Variants in ARMC3 observed in about 807,000 individuals in gnomAD.
ARMC3 encodes armadillo repeat-containing protein 3.
A neutral mutation model predicts 90.3 loss-of-function variants in ARMC3; 74 were observed. The ratio of observed to expected loss-of-function variants is 0.82; its 90% CI spans 0.68 to 0.99. ARMC3 has a LOEUF of 0.99. ARMC3 is among the 50% of genes least tolerant of loss of function. The pLI, the probability that ARMC3 is intolerant of heterozygous loss-of-function variation, is 0.00. For synonymous variants in ARMC3, 334 were observed against 361.8 expected, an observed-to-expected ratio of 0.92 and a Z score of 0.87; for missense variants, 958 against 1,042.8, an observed-to-expected ratio of 0.92 and a Z score of 1.12.
chr10:22,931,896 A>C, intron 1 of ARMC3, 100 bp from the exon 2 acceptor site: 1 of 990,278 alleles, frequency 1.0e-6, no homozygotes, highest in Admixed American at 2.5e-5. Context: ...TTTAGGAGGT[A>C]AAAATTTAAA....
intron 6 of ARMC3, 22 bp from the exon 7 acceptor site, chr10:22,961,862 G>T: frequency 6.5e-7 from 1 of 1,544,648 alleles, no homozygotes; most frequent in South Asian, 1.3e-5. Context: ...AAAAATTATT[G>T]ATCATCTGTA....
At chr10:22,943,674 T>G (rs1453851709) in intron 2 of ARMC3, among the ~76,000 whole-genome samples, 1 of 152,172 alleles carries the variant, frequency 6.6e-6, no homozygotes, top group African/African-American at 2.4e-5. Context: ...GGCTCATGCC[T>G]GTAATCCCAG....
intron 18 of ARMC3, among the ~76,000 whole-genome samples, chr10:23,033,247 G>C (rs528935483): frequency 6.6e-6 from 1 of 151,978 alleles, no homozygotes; most frequent in East Asian, 1.9e-4. Flanking sequence ...ATAGTCAACA[G>C]ACTACTAGAA....
At chr10:22,995,910 C>A (rs1435961728) in intron 10 of ARMC3, among the ~76,000 whole-genome samples, 1 of 152,042 alleles carries the variant, frequency 6.6e-6, no homozygotes, top group African/African-American at 2.4e-5. Context: ...ATTGAAGTAC[C>A]CTGCGATTGT....
intron 16 of ARMC3, among the ~76,000 whole-genome samples, chr10:23,029,521 A>G (rs569246185): frequency 6.6e-6 from 1 of 152,270 alleles, no homozygotes; most frequent in South Asian, 2.1e-4. Flanking sequence ...AACCAGTAAG[A>G]TGTTCATACT....
chr10:23,022,118 C>G (rs1485021639), intron 16 of ARMC3, among the ~76,000 whole-genome samples: 2 of 152,050 alleles, frequency 1.3e-5, no homozygotes, highest in Non-Finnish European at 2.9e-5. Flanking sequence ...TAGGCTAACC[C>G]TAGATCAAGA....
rs138461085 is a variant in ARMC3, at chr10:22,997,713, G to A, written c.1176-435G>A. ...ATTTAAGGCTTTTGTTTTCTTAATA[G>A]CTAGGAATATTTTATCTTCAAGAAA... On this transcript the variant is annotated intron_variant, in intron 10 of 18. Transcript: ENST00000298032. 5.7e-3 allele frequency among the ~76,000 whole-genome samples: 867 copies of A among 152,180 alleles called. 4 individuals carry two copies. Among genetic ancestry groups the A allele is most frequent in the African/African-American group, 0.02 (833 of 41,546 alleles).
intron 16 of ARMC3, among the ~76,000 whole-genome samples, chr10:23,015,533 A>T (rs1397082954): frequency 1.3e-5 from 2 of 151,824 alleles, no homozygotes; most frequent in Non-Finnish European, 2.9e-5. Context: ...TTGACTGAAC[A>T]TGAGTTTATT....
chr10:22,940,552 C>A (rs114203243), intron 2 of ARMC3, among the ~76,000 whole-genome samples: 74 of 152,228 alleles, frequency 4.9e-4, no homozygotes, highest in African/African-American at 1.8e-3. Context: ...AGTGGTATGA[C>A]TGTAGCTCAC....
intron 2 of ARMC3, among the ~76,000 whole-genome samples, chr10:22,942,394 T>A (rs995100859): frequency 2.0e-5 from 3 of 152,190 alleles, no homozygotes; most frequent in African/African-American, 7.2e-5. Context: ...AGATGGATGC[T>A]ACTGAGTCAG....
At chr10:22,950,548 A>G (rs1834704517) in intron 3 of ARMC3, among the ~76,000 whole-genome samples, 1 of 152,172 alleles carries the variant, frequency 6.6e-6, no homozygotes, top group South Asian at 2.1e-4. Flanking sequence ...TACATAGAAA[A>G]GAAGGCTGAA....
At chr10:22,946,840 A>C (rs949478898) in intron 3 of ARMC3, among the ~76,000 whole-genome samples, 1 of 152,126 alleles carries the variant, frequency 6.6e-6, no homozygotes, top group Non-Finnish European at 1.5e-5. Flanking sequence ...AACCTGACAA[A>C]CACTACCGCA....
intron 6 of ARMC3, chr10:22,961,668 T>C (rs1466998180): frequency 2.1e-6 from 1 of 473,716 alleles, no homozygotes; most frequent in East Asian, 3.8e-5. Flanking sequence ...TCATGTATAT[T>C]TTCTGTTGTA....
intron 4 of ARMC3, among the ~76,000 whole-genome samples, chr10:22,957,012 T>C (rs1361799827): frequency 6.6e-6 from 1 of 152,112 alleles, no homozygotes; most frequent in Non-Finnish European, 1.5e-5. Context: ...CTGTAACTCA[T>C]AATAAATTTT....
chr10:22,968,246 A>G, intron 7 of ARMC3, 60 bp from the exon 8 acceptor site: 4 of 1,498,274 alleles, frequency 2.7e-6, no homozygotes, highest in Non-Finnish European at 3.7e-6. Context: ...CTTGTAGTCA[A>G]ATTTGGGAAG....
chr10:22,980,170 T>C (rs1453722620), intron 8 of ARMC3, among the ~76,000 whole-genome samples: 1 of 152,202 alleles, frequency 6.6e-6, no homozygotes, highest in East Asian at 1.9e-4. Context: ...ATGTAAATAT[T>C]GTAACCTAAA....
chr10:23,005,069 C>G (rs564441623), intron 13 of ARMC3, among the ~76,000 whole-genome samples: 1 of 151,892 alleles, frequency 6.6e-6, no homozygotes, highest in African/African-American at 2.4e-5. Flanking sequence ...AAAAATTAGC[C>G]GGGCGTGGTG....
At chr10:22,996,377 C>T (rs969628136) in intron 10 of ARMC3, among the ~76,000 whole-genome samples, 1 of 152,038 alleles carries the variant, frequency 6.6e-6, no homozygotes, top group Admixed American at 6.6e-5. Context: ...GACCCTCGGG[C>T]TATTATAGTG....
intron 8 of ARMC3, among the ~76,000 whole-genome samples, chr10:22,977,296 C>G (rs1266337056): frequency 6.6e-6 from 1 of 152,208 alleles, no homozygotes; most frequent in East Asian, 1.9e-4. Flanking sequence ...ATAGCCCACT[C>G]TGCTCTACAT....
Sources: allele counts gnomAD v4.1 joint callset (sites outside exome capture counted in the v4.1 genomes callset), GRCh38; gene constraint gnomAD v4.1.1; transcripts MANE v1.5; gene names NCBI Gene and HGNC (gene_info 2026-07-23, HGNC 2026-07-21).